GAB2: variants seen among roughly 807,000 people sequenced by gnomAD.
GAB2 encodes GRB2-associated-binding protein 2.
A neutral mutation model predicts 65.5 loss-of-function variants in GAB2; 26 were observed. That is an observed-to-expected ratio of 0.40 (90% CI 0.29 to 0.55). The LOEUF (loss-of-function observed/expected upper bound fraction) is 0.55, where lower values mean the gene tolerates loss of function less well. Among genes scored for constraint, GAB2 ranks in the 20% least tolerant of loss-of-function variants. The probability of loss-of-function intolerance (pLI) is 0.53; values close to 1 mark genes in which losing one functional copy is unlikely to be tolerated. For synonymous variants in GAB2, 321 were observed against 329.6 expected (o/e 0.97, Z 0.28); for missense variants, 884 against 875.8 (o/e 1.01, Z -0.12).
intron 1 of GAB2, among the ~76,000 whole-genome samples, chr11:78,322,275 GCT>G: frequency 8.0e-6 from 1 of 124,474 alleles, no homozygotes; most frequent in Non-Finnish European, 1.6e-5. Flanking sequence ...CTGAAGCCTG[GCT>G]GACAGAGGGA....
Position 78,267,857 on chromosome 11 carries a change from C to CAAAAAAAAAAAAAAAAAAAAAAAAAA in GAB2, c.376+12743_376+12744insTTTTTTTTTTTTTTTTTTTTTTTTTT, listed in dbSNP as rs751533828. On this transcript the variant is annotated intron_variant, in intron 2 of 9. Transcript: ENST00000361507. ...TGGGTGATAGAGCGAGACTCCGTCT[C>CAAAAAAAAAAAAAAAAAAAAAAAAAA]AAAAAAAAAAAAAAAAAAAAAAAAG... is the stretch of plus-strand genomic sequence containing the variant. Among the ~76,000 whole-genome samples, 35 of 32,798 alleles carry CAAAAAAAAAAAAAAAAAAAAAAAAAA rather than the reference C, an allele frequency of 1.1e-3. 2 individuals are homozygous for CAAAAAAAAAAAAAAAAAAAAAAAAAA. Among genetic ancestry groups the CAAAAAAAAAAAAAAAAAAAAAAAAAA allele is most frequent in the East Asian group, 3.3e-3 (2 of 614 alleles). 21.5% of individuals were successfully genotyped at this position (32,798 alleles called of 152,430 possible).
chr11:78,320,666 G>A (rs1181727568), intron 1 of GAB2, among the ~76,000 whole-genome samples: 1 of 146,394 alleles, frequency 6.8e-6, no homozygotes, highest in Non-Finnish European at 1.5e-5. Flanking sequence ...ACAGCTCACT[G>A]CAGCCTCCCA....
intron 1 of GAB2, among the ~76,000 whole-genome samples, chr11:78,390,531 G>C (rs967369986): frequency 4.6e-5 from 7 of 152,204 alleles, no homozygotes; most frequent in African/African-American, 1.4e-4. Context: ...GGAGGTTGCA[G>C]CAAGTCAAGA....
intron 1 of GAB2, among the ~76,000 whole-genome samples, chr11:78,326,868 A>T (rs959698275): frequency 3.3e-5 from 5 of 152,204 alleles, no homozygotes; most frequent in Admixed American, 2.6e-4. Context: ...TGGGAAAAAA[A>T]GTCTTAAAAC....
At chr11:78,347,895 A>C (rs1856215568) in intron 1 of GAB2, among the ~76,000 whole-genome samples, 1 of 152,228 alleles carries the variant, frequency 6.6e-6, no homozygotes, top group African/African-American at 2.4e-5. Context: ...CCTCCCATGC[A>C]GTCAAAAATC....
At chr11:78,278,562 G>C (rs1866241244) in intron 2 of GAB2, among the ~76,000 whole-genome samples, 3 of 139,274 alleles carry the variant, frequency 2.2e-5, no homozygotes, top group African/African-American at 8.8e-5. Context: ...ATTTTTAGTA[G>C]AGACGGGTTT....
At chr11:78,369,919 A>C (rs1196152515) in intron 1 of GAB2, among the ~76,000 whole-genome samples, 1 of 152,156 alleles carries the variant, frequency 6.6e-6, no homozygotes, top group East Asian at 1.9e-4. Flanking sequence ...TTGATTTATA[A>C]CGAACATGTA....
intron 1 of GAB2, chr11:78,318,176 G>C (rs1855649747): frequency 6.6e-6 from 1 of 151,552 alleles, no homozygotes. Context: ...GATAATTGAG[G>C]GAGACTTCTT....
At position 78,246,779 on chromosome 11, in the gene GAB2, G is replaced by A. The variant is rs182983613; in HGVS notation, c.620+3378C>T. Among the ~76,000 whole-genome samples, 257 of 152,272 alleles carry A rather than the reference G, an allele frequency of 1.7e-3. 1 individual carries two copies. The highest frequency in any genetic ancestry group is 4.2e-3 in the African/African-American group (175 of 41,562). On this transcript the variant is annotated intron_variant, in intron 3 of 9. Transcript: ENST00000361507. ...CTCCCAAAGTGCTAGAATTATAGGC[G>A]TGAGCCACCGCACCCGGCCGAGAAG... is the stretch of plus-strand genomic sequence containing the variant.
intron 1 of GAB2, among the ~76,000 whole-genome samples, chr11:78,387,686 C>G (rs1260743595): frequency 6.6e-6 from 1 of 152,164 alleles, no homozygotes; most frequent in African/African-American, 2.4e-5. Flanking sequence ...GACTAAGGAG[C>G]TTTACTCACA....
intron 2 of GAB2, among the ~76,000 whole-genome samples, chr11:78,265,203 C>CACATATATATATATATATATATAT (rs1554980506): frequency 6.9e-6 from 1 of 144,842 alleles, no homozygotes; most frequent in Non-Finnish European, 1.5e-5. Flanking sequence ...TTCTATACCA[C>CACATATATATATATATATATATAT]ATATATATAT....
At chr11:78,244,431 A>T (rs1350131980) in intron 3 of GAB2, among the ~76,000 whole-genome samples, 1 of 152,048 alleles carries the variant, frequency 6.6e-6, no homozygotes, top group Admixed American at 6.5e-5. Context: ...ACTATATTAA[A>T]CTAAAAATCT....
At chr11:78,298,349 CATT>C (rs1027057840) in intron 1 of GAB2, among the ~76,000 whole-genome samples, 5 of 152,144 alleles carry the variant, frequency 3.3e-5, no homozygotes, top group Non-Finnish European at 5.9e-5. Flanking sequence ...TATTATGACT[CATT>C]ATGATGGAGA....
chr11:78,409,749 T>C (rs1477592404), intron 1 of GAB2, among the ~76,000 whole-genome samples: 1 of 152,152 alleles, frequency 6.6e-6, no homozygotes, highest in Non-Finnish European at 1.5e-5. Flanking sequence ...AAGAATTATA[T>C]ATATCACTAT....
At chr11:78,256,986 G>A (rs995593370) in intron 2 of GAB2, among the ~76,000 whole-genome samples, 3 of 151,666 alleles carry the variant, frequency 2.0e-5, no homozygotes, top group African/African-American at 7.3e-5. Flanking sequence ...AAATGCCTGA[G>A]TCAATCTATT....
chr11:78,284,684 T>G (rs1222403070), intron 1 of GAB2, among the ~76,000 whole-genome samples: 1 of 152,126 alleles, frequency 6.6e-6, no homozygotes, highest in Non-Finnish European at 1.5e-5. Context: ...TCCCCGATGC[T>G]CCCACTCTCT....
In GAB2 at chr11:78,396,502, G is replaced by A. The variant is rs1422089994; in HGVS notation, c.75+21144C>T. Among the ~76,000 whole-genome samples the A allele has an allele frequency of 2.0e-5, 3 of 152,206 alleles. No homozygotes were observed. The East Asian group carries it at 5.8e-4, about 29-fold the overall frequency. ...TAATTTAATTCAACAGCAAGAACCA[G>A]TACAAATATATGTTTAAAGTGTCCT... On this transcript the variant is annotated intron_variant, in intron 1 of 9. Coordinates refer to ENST00000361507, the MANE Select transcript of GAB2 (RefSeq NM_080491.3).
chr11:78,252,627 C>T lies in GAB2; in HGVS notation c.377-2227G>A, dbSNP rs560075079. On this transcript the variant is annotated intron_variant, in intron 2 of 9. Coordinates refer to ENST00000361507, the MANE Select transcript of GAB2 (RefSeq NM_080491.3). ...AGACCCTCCTATAGCCTCTCTCTCC[C>T]GCTGAAGACTCTCCAGCGGGTAATC... is the stretch of plus-strand genomic sequence containing the variant. 5.3e-5 allele frequency among the ~76,000 whole-genome samples: 8 copies of T among 152,262 alleles called. No individual in the cohort carries two copies. The South Asian group carries it at 1.0e-3, about 20-fold the overall frequency.
At chr11:78,231,573 C>T (rs1229610026) in intron 3 of GAB2, among the ~76,000 whole-genome samples, 1 of 152,206 alleles carries the variant, frequency 6.6e-6, no homozygotes, top group Non-Finnish European at 1.5e-5. Flanking sequence ...TGGTCTCGAA[C>T]TCCTGACCTC....
Sources: gnomAD v4.1 joint callset for allele counts (sites outside exome capture counted in the v4.1 genomes callset) on GRCh38, gnomAD v4.1.1 for gene constraint, MANE v1.5 for transcripts, NCBI Gene and HGNC (gene_info 2026-07-23, HGNC 2026-07-21) for gene names.